Variants in SLC26A3 observed in about 807,000 individuals in gnomAD.
SLC26A3 encodes the protein chloride anion exchanger.
Under a neutral mutation model 85.6 loss-of-function variants are expected in SLC26A3, and 64 were observed. The observed-to-expected ratio is 0.75, with a 90% confidence interval of 0.61 to 0.92. SLC26A3 has a LOEUF of 0.92. Among genes scored for constraint, SLC26A3 ranks in the 40% least tolerant of loss-of-function variants. SLC26A3 has a pLI of 0.00. For synonymous variants in SLC26A3, 349 were observed against 336.0 expected, an observed-to-expected ratio of 1.04 and a Z score of -0.42; for missense variants, 922 against 927.3, an observed-to-expected ratio of 0.99 and a Z score of 0.07.
chr7:107,779,495 T>A (rs1794181328), intron 12 of SLC26A3, among the ~76,000 whole-genome samples, 173 bp downstream of exon 12: 1 of 152,144 alleles, frequency 6.6e-6, no homozygotes, highest in South Asian at 2.1e-4. Context: ...TCCCAGAAAA[T>A]GACCATTAGA....
At chr7:107,778,434 G>T (rs1248795510) in intron 12 of SLC26A3, among the ~76,000 whole-genome samples, 153 bp from the exon 13 acceptor site, 2 of 139,478 alleles carry the variant, frequency 1.4e-5, no homozygotes, top group East Asian at 4.0e-4. Flanking sequence ...GCCAGACGTG[G>T]TGGAAGTTGA....
At chr7:107,775,675 T>C (rs77038827) in intron 15 of SLC26A3, among the ~76,000 whole-genome samples, 6,772 of 151,672 alleles carry the variant, frequency 0.045, 190 homozygotes, top group South Asian at 0.085. Flanking sequence ...GAGGTTGCAG[T>C]GAGCTGTGAT....
intron 13 of SLC26A3, among the ~76,000 whole-genome samples, 198 bp from the exon 14 acceptor site, chr7:107,776,904 AAG>A (rs1794125266): frequency 6.6e-6 from 1 of 152,244 alleles, no homozygotes; most frequent in African/African-American, 2.4e-5. Flanking sequence ...AGCACCTGAA[AAG>A]TGCCTCCCAT....
Position 107,765,690 on chromosome 7 carries a change from G to T in SLC26A3, c.*165C>A. 2 of 565,324 alleles carry T rather than the reference G, an allele frequency of 3.5e-6. No individual in the cohort carries two copies. The highest frequency in any genetic ancestry group is 2.5e-5 in the South Asian group (1 of 40,184). The allele number at this position is 565,324 out of a possible 1,614,324, so 35.0% of individuals were successfully genotyped here. A position where few individuals can be genotyped will look rare whatever the true frequency, so the allele number is the denominator to read the frequency against. On this transcript the variant is annotated 3_prime_UTR_variant, in exon 21 of 21. Transcript: ENST00000340010. ...AGAATACTTATATAATTTCATACTAGATATGTGAAAAATATGCCATGCTAG... is the reference window on the plus strand; with the variant it reads ...AGAATACTTATATAATTTCATACTATATATGTGAAAAATATGCCATGCTAG...
chr7:107,769,168 G>A (rs1793963255), intron 18 of SLC26A3, among the ~76,000 whole-genome samples: 1 of 152,106 alleles, frequency 6.6e-6, no homozygotes, highest in Admixed American at 6.5e-5. Context: ...GCACAGTGTG[G>A]CGATTCCTCA....
chr7:107,791,697 G>A (rs1450968377), intron 4 of SLC26A3, 133 bp downstream of exon 4: 16 of 646,270 alleles, frequency 2.5e-5, no homozygotes, highest in Admixed American at 1.8e-4. Context: ...CTCAAACCCT[G>A]GTCCTAATTC....
chr7:107,778,975 A>C (rs1163377193), intron 12 of SLC26A3, among the ~76,000 whole-genome samples: 1 of 152,158 alleles, frequency 6.6e-6, no homozygotes, highest in Admixed American at 6.6e-5. Flanking sequence ...TGGGTGACAG[A>C]GGGAGATCCT....
At chr7:107,772,992 C>T (rs954114764) in intron 17 of SLC26A3, among the ~76,000 whole-genome samples, 1 of 151,986 alleles carries the variant, frequency 6.6e-6, no homozygotes, top group Non-Finnish European at 1.5e-5. Context: ...TTTGTGAAAA[C>T]CCAAGAAAAA....
Position 107,779,854 on chromosome 7 carries a change from T to C in SLC26A3, c.1312-91A>G, listed in dbSNP as rs1794187094. On this transcript the variant is annotated intron_variant, in intron 11 of 20. Transcript: ENST00000340010. ...GAAGGCTATAGATAAGTGTGTGCTT[T>C]AAAGGGCCTCAAAGCAAATCAAAGC... 24 of 1,067,016 alleles carry C rather than the reference T, an allele frequency of 2.2e-5. No individual in the cohort carries two copies. The South Asian group carries it at 3.1e-4, about 14-fold the overall frequency. 66.1% of individuals were successfully genotyped at this position (1,067,016 alleles called of 1,614,324 possible).
intron 4 of SLC26A3, among the ~76,000 whole-genome samples, chr7:107,791,607 C>T (rs377186165): frequency 8.7e-5 from 13 of 149,348 alleles, no homozygotes; most frequent in African/African-American, 1.3e-4. Flanking sequence ...AGCAAAACTC[C>T]GTCTCAAAAA....
Position 107,794,573 on chromosome 7 carries a change from C to T in SLC26A3, c.-64G>A, listed in dbSNP as rs1292444279. On this transcript the variant is annotated 5_prime_UTR_variant, in exon 2 of 21. Transcript: ENST00000340010. ...TGCAACTATGTGGTGAACACTTCTT[C>T]TTGCCTTTAGCAGGTTAAAAATGCC... 1 of 1,596,404 alleles carries T rather than the reference C, an allele frequency of 6.3e-7. No individual in the cohort carries two copies. The highest frequency in any genetic ancestry group is 8.6e-7 in the Non-Finnish European group (1 of 1,164,440).
At chr7:107,775,494 G>A (rs1468144422) in intron 15 of SLC26A3, among the ~76,000 whole-genome samples, 1 of 152,018 alleles carries the variant, frequency 6.6e-6, no homozygotes, top group Non-Finnish European at 1.5e-5. Context: ...GGAGGCCGAG[G>A]TGGGAGGATT....
At position 107,794,443 on chromosome 7, in the gene SLC26A3, C is replaced by T. The variant is rs1371169201; in HGVS notation, c.67G>A (p.Glu23Lys). 2 of 1,613,864 alleles carry T rather than the reference C, an allele frequency of 1.2e-6. No individual in the cohort carries two copies. The highest frequency in any genetic ancestry group is 3.3e-5 in the Admixed American group (2 of 60,014). The change falls in exon 2 of 21, where the codon GAA becomes AAA. Residue 23 changes from glutamate (E) to lysine (K), a missense_variant. Physicochemically the swap from Glu to Lys is moderately conservative, Grantham distance 56. Coordinates refer to ENST00000340010, the MANE Select transcript of SLC26A3 (RefSeq NM_000111.3). The part of the protein sequence containing the change: ...RPVYSTNAFE[E>K]NHKKTGRHHK... ...TGTCTTCCTGTCTTTTTATGATTTT[C>T]CTCAAAAGCATTTGTAGAATACACT...
intron 17 of SLC26A3, among the ~76,000 whole-genome samples, chr7:107,772,948 C>T (rs1051376165): frequency 2.0e-5 from 3 of 152,180 alleles, no homozygotes; most frequent in Non-Finnish European, 4.4e-5. Flanking sequence ...CTGAATAGGT[C>T]TTATCTTAGG....
intron 1 of SLC26A3, among the ~76,000 whole-genome samples, chr7:107,798,759 A>G (rs866210717): frequency 1.3e-5 from 2 of 152,154 alleles, no homozygotes; most frequent in African/African-American, 4.8e-5. Flanking sequence ...ATCACTGAAA[A>G]TGCCACACTG....
Position 107,783,221 on chromosome 7 carries a change from G to A in SLC26A3, c.1103C>T (p.Pro368Leu). 1 of 1,614,182 alleles carries A rather than the reference G, an allele frequency of 6.2e-7. No individual in the cohort carries two copies. Among genetic ancestry groups the A allele is most frequent in the Non-Finnish European group, 8.5e-7 (1 of 1,180,036 alleles). The change falls in exon 9 of 21, where the codon CCA (proline) becomes CTA (leucine). Residue 368 changes from proline (P) to leucine (L), a missense_variant. By Grantham distance (98) the Pro-to-Leu change is moderately conservative. Coordinates refer to ENST00000340010, the MANE Select transcript of SLC26A3 (RefSeq NM_000111.3). ...TTTACTTACCTGATTGCCATCAAGT[G>A]GATAATCGTATTTGAGGGAATAGAC... is the stretch of plus-strand genomic sequence containing the variant. Reference protein sequence around the residue: ...ASVYSLKYDYPLDGNQELIAL... With the variant: ...ASVYSLKYDYLLDGNQELIAL...
At chr7:107,771,008 G>A (rs1353984810) in intron 18 of SLC26A3, among the ~76,000 whole-genome samples, 2 of 152,176 alleles carry the variant, frequency 1.3e-5, no homozygotes, top group Non-Finnish European at 2.9e-5. Flanking sequence ...ATAGGGATGG[G>A]CAAGGATATT....
chr7:107,768,734 C>T (rs1228632146), intron 18 of SLC26A3, among the ~76,000 whole-genome samples: 1 of 151,964 alleles, frequency 6.6e-6, no homozygotes, highest in African/African-American at 2.4e-5. Context: ...TATGAAAATT[C>T]TGAGAAATTT....
chr7:107,785,266 G>C (rs1303990714), intron 8 of SLC26A3, among the ~76,000 whole-genome samples: 1 of 152,158 alleles, frequency 6.6e-6, no homozygotes, highest in Admixed American at 6.5e-5. Flanking sequence ...TTGAGGCACA[G>C]AGTTTTTGGT....
Sources: gnomAD v4.1 joint callset for allele counts (sites outside exome capture counted in the v4.1 genomes callset) on GRCh38, gnomAD v4.1.1 for gene constraint, MANE v1.5 for transcripts, NCBI Gene and HGNC (gene_info 2026-07-23, HGNC 2026-07-21) for gene names.